RASAL3: variants seen among roughly 807,000 people sequenced by gnomAD.
RASAL3 encodes the protein RAS protein activator like 3, also known as RAS protein activator like-3.
A neutral mutation model predicts 105.5 loss-of-function variants in RASAL3; 74 were observed. The ratio of observed to expected loss-of-function variants is 0.70; its 90% CI spans 0.58 to 0.85. RASAL3 has a LOEUF of 0.85. RASAL3 is among the 40% of genes least tolerant of loss of function. The pLI is 0.00. For synonymous variants in RASAL3, 579 were observed against 591.6 expected, an observed-to-expected ratio of 0.98 and a Z score of 0.31; for missense variants, 1,352 against 1,392.0, an observed-to-expected ratio of 0.97 and a Z score of 0.46.
In RASAL3 at chr19:15,453,635, G is replaced by T. The variant is rs925625073; in HGVS notation, c.2280-138C>A. The T allele has an allele frequency of 2.3e-6, 2 of 865,894 alleles. No homozygotes were observed. The highest frequency in any genetic ancestry group is 3.3e-6 in the Non-Finnish European group (2 of 611,528). 53.6% of individuals were successfully genotyped at this position (865,894 alleles called of 1,614,324 possible). A position where few individuals can be genotyped will look rare whatever the true frequency, so the allele number is the denominator to read the frequency against. On this transcript the variant is annotated intron_variant, in intron 14 of 17. Transcript: ENST00000343625. This position sits in a 1 kb window ranked among gnomAD's most constrained non-coding sequence, Gnocchi z 4.2. Reference sequence around the variant, plus strand: ...TTTTGAGACAAGGTCTTGCTCTGTCGCCCAGGCTGGAGTGCAGTGGCTAGA... The same window carrying T: ...TTTTGAGACAAGGTCTTGCTCTGTCTCCCAGGCTGGAGTGCAGTGGCTAGA...
chr19:15,464,332 G>A lies in RASAL3; in HGVS notation c.27C>T (p.Thr9=), dbSNP rs755867283. 28 of 1,605,550 alleles carry A rather than the reference G, an allele frequency of 1.7e-5. No homozygotes were observed. Among genetic ancestry groups the A allele is most frequent in the Non-Finnish European group, 2.2e-5 (26 of 1,176,840 alleles). MDPPSPSR[T]SQTQPTATSP... ...AGGTGGCTGTGGGCTGGGTTTGGGA[G>A]GTCCGGCTTGGCGACGGTGGGTCCA... Residue 9 remains threonine (T), a synonymous_variant, in exon 2 of 18, where the codon ACC becomes ACT. Transcript: ENST00000343625.
chr19:15,451,871 A>G lies in RASAL3; in HGVS notation c.2960T>C (p.Leu987Pro). 6.2e-7 allele frequency: 1 copy of G among 1,609,112 alleles called. No individual in the cohort carries two copies. Among genetic ancestry groups the G allele is most frequent in the East Asian group, 2.2e-5 (1 of 44,694 alleles). ...CCAAGACCCCCGCGTCCTTGGAGAAAGCTGCAGGCTCTGGACAGCATCCCT... is the reference window on the plus strand; with the variant it reads ...CCAAGACCCCCGCGTCCTTGGAGAAGGCTGCAGGCTCTGGACAGCATCCCT... Reference protein sequence around the residue: ...QLRDAVQSLQLSPRTRGSWSQ... With the variant: ...QLRDAVQSLQPSPRTRGSWSQ... Residue 987 changes from leucine to proline, a missense_variant, in exon 18 of 18, where the codon CTT becomes CCT. Transcript: ENST00000343625.
In RASAL3 at chr19:15,457,598, C is replaced by T; in HGVS notation, c.1125G>A (p.Pro375=). The change falls in exon 9 of 18, where the codon CCG becomes CCA. Residue 375 remains proline, a synonymous_variant. Coordinates refer to ENST00000343625, the MANE Select transcript of RASAL3 (RefSeq NM_022904.3). This position sits in a 1 kb window ranked among gnomAD's most constrained non-coding sequence, Gnocchi z 8.6. ...RLSLRLRGLG[P]GSAVLGRVAL... ...CCACGCGGCCCAGCACCGCGCTTCCCGGGCCCAAGCCGCGCAGCCGCAGCG... is the reference window on the plus strand; with the variant it reads ...CCACGCGGCCCAGCACCGCGCTTCCTGGGCCCAAGCCGCGCAGCCGCAGCG... 2 of 1,330,742 alleles carry T rather than the reference C, an allele frequency of 1.5e-6. No individual in the cohort carries two copies. The highest frequency in any genetic ancestry group is 9.6e-7 in the Non-Finnish European group (1 of 1,037,604). 82.4% of individuals were successfully genotyped at this position (1,330,742 alleles called of 1,614,324 possible). A position where few individuals can be genotyped will look rare whatever the true frequency, so the allele number is the denominator to read the frequency against.
Position 15,453,118 on chromosome 19 carries a change from G to C in RASAL3, c.2659C>G (p.Pro887Ala), listed in dbSNP as rs528100081. 1 of 1,613,626 alleles carries C rather than the reference G, an allele frequency of 6.2e-7. No individual in the cohort carries two copies. The highest frequency in any genetic ancestry group is 8.5e-7 in the Non-Finnish European group (1 of 1,179,714). Residue 887 changes from proline to alanine, a missense_variant, in exon 15 of 18, where the codon CCT becomes GCT. Pro to Ala is a conservative substitution (Grantham distance 27, BLOSUM62 -1). Coordinates refer to ENST00000343625, the MANE Select transcript of RASAL3 (RefSeq NM_022904.3). This position sits in a 1 kb window ranked among gnomAD's most constrained non-coding sequence, Gnocchi z 4.2. ...DRNQALGTHR[P>A]VNKLAELQCE... The stretch of plus-strand genomic sequence containing the variant: ...GGGCCTGACCTTACCTTGTTCACAG[G>C]TCGGTGCGTGCCCAGTGCCTGGTTT...
chr19:15,461,151 G>C lies in RASAL3; in HGVS notation c.545-30C>G, dbSNP rs191160341. The stretch of plus-strand genomic sequence containing the variant: ...GGGTCGTTATGGGTGGCAGGTTGGG[G>C]GGTTGGATTCTGCCCCACTTTTAGA... On this transcript the variant is annotated intron_variant, in intron 4 of 17. Transcript: ENST00000343625. 2.9e-5 allele frequency: 47 copies of C among 1,613,624 alleles called. No homozygotes were observed. In the South Asian group the frequency reaches 4.1e-4, roughly 14 times the overall value.
At chr19:15,460,969 C>A in intron 5 of RASAL3, 91 bp downstream of exon 5, 1 of 1,214,858 alleles carries the variant, frequency 8.2e-7, no homozygotes, top group South Asian at 1.3e-5. Flanking sequence ...GCAACCTGCT[C>A]CAGATCACCC....
rs1440933843 is a variant in RASAL3 at position 15,451,752 on chromosome 19, C to A, written c.*43G>T. 1 of 1,554,888 alleles carries A rather than the reference C, an allele frequency of 6.4e-7. No individual in the cohort carries two copies. Among genetic ancestry groups the A allele is most frequent in the South Asian group, 1.2e-5 (1 of 84,798 alleles). ...CAGACACCCCCCCTAAGATGGCTAT[C>A]TCTCTGCTCCCAGACCACGTGTGAT... On this transcript the variant is annotated 3_prime_UTR_variant, in exon 18 of 18. Transcript: ENST00000343625.
In RASAL3 at chr19:15,453,490, C is replaced by A. The variant is rs865778477; in HGVS notation, c.2287G>T (p.Ala763Ser). ...PPAQVHSSLSAGEKPGFLAPR... is the reference protein window; with the variant it reads ...PPAQVHSSLSSGEKPGFLAPR... ...GCCAGGAAGCCGGGCTTCTCCCCTGCGGAGAGGCTAGGGGTGGGATGGAGG... is the reference window on the plus strand; with the variant it reads ...GCCAGGAAGCCGGGCTTCTCCCCTGAGGAGAGGCTAGGGGTGGGATGGAGG... The change falls in exon 15 of 18, where the codon GCA (alanine) becomes TCA (serine). Residue 763 changes from alanine to serine, a missense_variant. Physicochemically the swap from Ala to Ser is moderately conservative, Grantham distance 99. Coordinates refer to ENST00000343625, the MANE Select transcript of RASAL3 (RefSeq NM_022904.3). This position sits in a 1 kb window ranked among gnomAD's most constrained non-coding sequence, Gnocchi z 4.2. 5 of 1,527,980 alleles carry A rather than the reference C, an allele frequency of 3.3e-6. No individual in the cohort carries two copies. The highest frequency in any genetic ancestry group is 1.2e-5 in the South Asian group (1 of 80,050). The allele number at this position is 1,527,980 out of a possible 1,614,324, so 94.7% of individuals were successfully genotyped here.
At chr19:15,454,011 C>T (rs976909554) in intron 14 of RASAL3, 138 bp downstream of exon 14, 30 of 673,150 alleles carry the variant, frequency 4.5e-5, no homozygotes, top group Non-Finnish European at 6.9e-5. Flanking sequence ...TGACCCAACC[C>T]TTTCTATAAC....
chr19:15,452,829 G>C lies in RASAL3; in HGVS notation c.2671-14C>G, dbSNP rs1396365311. 1 of 1,538,774 alleles carries C rather than the reference G, an allele frequency of 6.5e-7. No homozygotes were observed. Among genetic ancestry groups the C allele is most frequent in the East Asian group, 2.4e-5 (1 of 41,034 alleles). On this transcript the variant is annotated splice_polypyrimidine_tract_variant and intron_variant, in intron 15 of 17. Transcript: ENST00000343625. Reference sequence around the variant, plus strand: ...CAGCTCTGCCAACTGTGGTGGGAGAGCAGCTGTAATCTGACCCGTTGTCCC... The same window carrying C: ...CAGCTCTGCCAACTGTGGTGGGAGACCAGCTGTAATCTGACCCGTTGTCCC...
At chr19:15,461,706 G>A (rs1970517609) in intron 2 of RASAL3, 99 bp from the exon 3 acceptor site, 7 of 1,409,712 alleles carry the variant, frequency 5.0e-6, no homozygotes, top group Middle Eastern at 2.2e-4. Context: ...TCCCTCCTAG[G>A]TGCCCCCCAC....
chr19:15,464,216 C>T lies in RASAL3; in HGVS notation c.143G>A (p.Arg48Lys). 1.9e-6 allele frequency: 3 copies of T among 1,609,634 alleles called. No individual in the cohort carries two copies. The highest frequency in any genetic ancestry group is 1.3e-5 in the African/African-American group (1 of 74,772). Residue 48 changes from arginine (R) to lysine (K), a missense_variant, in exon 2 of 18, where the codon AGG becomes AAG. Physicochemically the swap from Arg to Lys is conservative, Grantham distance 26. Coordinates refer to ENST00000343625, the MANE Select transcript of RASAL3 (RefSeq NM_022904.3). Reference protein sequence around the residue: ...FRWGRFAGWGRALSHQEPMVS... With the variant: ...FRWGRFAGWGKALSHQEPMVS... ...CATGGGCTCCTGGTGGCTCAGGGCC[C>T]TGCCCCAGCCAGCAAAGCGGCCCCA...
intron 2 of RASAL3, among the ~76,000 whole-genome samples, chr19:15,462,900 G>A (rs1263002073): frequency 1.3e-5 from 2 of 151,254 alleles, no homozygotes; most frequent in Non-Finnish European, 2.9e-5. Flanking sequence ...GCGGTGAGCC[G>A]AGATCGCGCC....
Position 15,453,370 on chromosome 19 carries a change from C to T in RASAL3, c.2407G>A (p.Asp803Asn), listed in dbSNP as rs779157603. ...GGCCGCCGCAGGGGCCGCTCTTCGT[C>T]CGGCCGTGGCCGGGCCCAACTCTCT... ...RSESWARPRP[D>N]EERPLRRPRP... is the part of the protein sequence containing the mutation. The change falls in exon 15 of 18, where the codon GAC becomes AAC. Residue 803 changes from aspartate (D) to asparagine (N), a missense_variant. Physicochemically the swap from Asp to Asn is conservative, Grantham distance 23. This residue lies in a region of RASAL3 where 920 missense variants were observed against 919.6 expected (regional missense o/e 1.00). Coordinates refer to ENST00000343625, the MANE Select transcript of RASAL3 (RefSeq NM_022904.3). This position sits in a 1 kb window ranked among gnomAD's most constrained non-coding sequence, Gnocchi z 4.2. 2.8e-6 allele frequency: 4 copies of T among 1,448,826 alleles called. No individual in the cohort carries two copies. In the South Asian group the frequency reaches 4.2e-5, roughly 15 times the overall value. 89.7% of individuals were successfully genotyped at this position (1,448,826 alleles called of 1,614,324 possible). A position where few individuals can be genotyped will look rare whatever the true frequency, so the allele number is the denominator to read the frequency against.
In RASAL3 at chr19:15,453,328, T is replaced by TGC. The variant is rs774715758; in HGVS notation, c.2447_2448dup (p.Thr817AlafsTer27). The TGC allele has an allele frequency of 9.0e-6, 13 of 1,439,646 alleles. No individual in the cohort carries two copies. The highest frequency in any genetic ancestry group is 1.2e-5 in the Non-Finnish European group (13 of 1,104,130). 89.2% of individuals were successfully genotyped at this position (1,439,646 alleles called of 1,614,324 possible). A position where few individuals can be genotyped will look rare whatever the true frequency, so the allele number is the denominator to read the frequency against. On this transcript the variant is annotated frameshift_variant, in exon 15 of 18. Coordinates refer to ENST00000343625, the MANE Select transcript of RASAL3 (RefSeq NM_022904.3). LOFTEE classifies it high-confidence loss of function. The surrounding 1 kb of genome is among the most constrained non-coding windows in gnomAD (Gnocchi z 4.2). ...GGACGCCGGACCGGGACACTCTGCG[T>TGC]GCGCTGCACCGGCCGGGGCCGCCGC...
chr19:15,451,727 C>G lies in RASAL3; in HGVS notation c.*68G>C. ...AGGCCAAGTAGGGCTAAGGCAAAGTCAGACACCCCCCCTAAGATGGCTATC... is the reference window on the plus strand; with the variant it reads ...AGGCCAAGTAGGGCTAAGGCAAAGTGAGACACCCCCCCTAAGATGGCTATC... On this transcript the variant is annotated 3_prime_UTR_variant, in exon 18 of 18. Coordinates refer to ENST00000343625, the MANE Select transcript of RASAL3 (RefSeq NM_022904.3). 1 of 1,525,444 alleles carries G rather than the reference C, an allele frequency of 6.6e-7. No homozygotes were observed. Among genetic ancestry groups the G allele is most frequent in the Non-Finnish European group, 8.9e-7 (1 of 1,127,100 alleles). 94.5% of individuals were successfully genotyped at this position (1,525,444 alleles called of 1,614,324 possible). A position where few individuals can be genotyped will look rare whatever the true frequency, so the allele number is the denominator to read the frequency against.
At position 15,459,820 on chromosome 19, in the gene RASAL3, C is replaced by T. The variant is rs76683813; in HGVS notation, c.662+383G>A. ...CCAAAGTGCTGGGAGCCACTTCACCCAGCCCTCTTGGCCTTGTTTTAGTTG... is the reference window on the plus strand; with the variant it reads ...CCAAAGTGCTGGGAGCCACTTCACCTAGCCCTCTTGGCCTTGTTTTAGTTG... On this transcript the variant is annotated intron_variant, in intron 6 of 17. Transcript: ENST00000343625. 8.4e-3 allele frequency among the ~76,000 whole-genome samples: 1,277 copies of T among 152,254 alleles called. 21 individuals carry two copies. The highest frequency in any genetic ancestry group is 0.029 in the African/African-American group (1,209 of 41,522).
rs201561265 is a variant in RASAL3, at chr19:15,454,499, G to A, written c.2022C>T (p.Ala674=). ...MNSFLEEHGP[A]MQCFLDQVAM... The stretch of plus-strand genomic sequence containing the variant: ...CTACCTGGTCCAGGAAGCATTGCAT[G>A]GCTGGTCCATGTTCCTCCAGGAAGC... The change falls in exon 13 of 18, where the codon GCC becomes GCT. Residue 674 remains alanine, a synonymous_variant. Coordinates refer to ENST00000343625, the MANE Select transcript of RASAL3 (RefSeq NM_022904.3). 1 of 1,613,912 alleles carries A rather than the reference G, an allele frequency of 6.2e-7. No homozygotes were observed. Among genetic ancestry groups the A allele is most frequent in the Non-Finnish European group, 8.5e-7 (1 of 1,179,912 alleles).
chr19:15,457,949 G>T lies in RASAL3; in HGVS notation c.889-115C>A. ...GTTGCGTCGGGTCCCTAGGGAGATTGCTGGGCCTTTGGGGAAAGAAGTGGA... is the reference window on the plus strand; with the variant it reads ...GTTGCGTCGGGTCCCTAGGGAGATTTCTGGGCCTTTGGGGAAAGAAGTGGA... On this transcript the variant is annotated intron_variant, in intron 8 of 17. Transcript: ENST00000343625. This position sits in a 1 kb window ranked among gnomAD's most constrained non-coding sequence, Gnocchi z 8.6. 8.1e-6 allele frequency: 10 copies of T among 1,239,012 alleles called. No individual in the cohort carries two copies. The highest frequency in any genetic ancestry group is 1.1e-5 in the Non-Finnish European group (10 of 898,628). 76.8% of individuals were successfully genotyped at this position (1,239,012 alleles called of 1,614,324 possible). A position where few individuals can be genotyped will look rare whatever the true frequency, so the allele number is the denominator to read the frequency against.
Sources: gnomAD v4.1 joint callset for allele counts (sites outside exome capture counted in the v4.1 genomes callset) on GRCh38, gnomAD v4.1.1 for gene constraint, gnomAD v4.1.1 regional missense constraint, Gnocchi (gnomAD v3.1) non-coding constraint, MANE v1.5 for transcripts, NCBI Gene and HGNC (gene_info 2026-07-23, HGNC 2026-07-21) for gene names.